SPATA6: variants seen among roughly 807,000 people sequenced by gnomAD.
SPATA6 encodes the protein spermatogenesis associated 6, also known as spermatogenesis-associated protein 6.
SPATA6 carries 56 observed loss-of-function variants against 65.3 expected under a neutral mutation model. That is an observed-to-expected ratio of 0.86 (90% CI 0.69 to 1.07). The LOEUF (loss-of-function observed/expected upper bound fraction) is 1.07. Ranked by LOEUF, SPATA6 falls within the 50% of genes least tolerant of loss-of-function variation. The pLI, the probability that SPATA6 is intolerant of heterozygous loss-of-function variation, is 0.00. For synonymous variants in SPATA6, 199 were observed against 213.2 expected, an observed-to-expected ratio of 0.93 and a Z score of 0.58; for missense variants, 590 against 594.8, an observed-to-expected ratio of 0.99 and a Z score of 0.08.
intron 7 of SPATA6, among the ~76,000 whole-genome samples, chr1:48,398,425 A>C (rs887518559): frequency 1.3e-5 from 2 of 151,822 alleles, no homozygotes; most frequent in South Asian, 2.1e-4. Context: ...AAGTTATTAG[A>C]CCACCAAAGG....
intron 9 of SPATA6, among the ~76,000 whole-genome samples, chr1:48,383,271 T>C (rs1185792801): frequency 2.8e-5 from 1 of 36,000 alleles, no homozygotes; most frequent in Non-Finnish European, 6.8e-5. Flanking sequence ...GAGGAGCCCC[T>C]CACCTCCCGG....
the SPATA6 span, among the ~76,000 whole-genome samples, chr1:48,279,892 C>A: frequency 6.6e-6 from 1 of 152,134 alleles, no homozygotes; most frequent in Non-Finnish European, 1.5e-5. Context: ...CTTTTCAGCA[C>A]CACACCACAC....
chr1:48,357,260 A>G (rs1570276464), intron 10 of SPATA6, among the ~76,000 whole-genome samples: 1 of 152,150 alleles, frequency 6.6e-6, no homozygotes, highest in African/African-American at 2.4e-5. Context: ...TATAATATTA[A>G]TATTTACACA....
rs1645051629 is a variant in SPATA6, at chr1:48,305,931, G to T, written c.1195-53C>A. ...CTCACTGTCTCATTGTCCCCAAAATGATGCATATGTTTCTTCATAAAATGC... is the reference window on the plus strand; with the variant it reads ...CTCACTGTCTCATTGTCCCCAAAATTATGCATATGTTTCTTCATAAAATGC... On this transcript the variant is annotated intron_variant, in intron 11 of 12. Transcript: ENST00000371847. 3.7e-6 allele frequency: 5 copies of T among 1,347,212 alleles called. No individual in the cohort carries two copies. In the East Asian group the frequency reaches 1.2e-4, roughly 32 times the overall value. The allele number at this position is 1,347,212 out of a possible 1,614,324, so 83.5% of individuals were successfully genotyped here.
At chr1:48,359,853 T>C in intron 9 of SPATA6, 83 bp from the exon 10 acceptor site, 2 of 1,088,952 alleles carry the variant, frequency 1.8e-6, no homozygotes, top group South Asian at 2.3e-5. Context: ...ATAGTATGCA[T>C]AGTAGTCATA....
At chr1:48,328,876 A>G (rs1269046032) in intron 11 of SPATA6, among the ~76,000 whole-genome samples, 1 of 152,200 alleles carries the variant, frequency 6.6e-6, no homozygotes, top group Non-Finnish European at 1.5e-5. Flanking sequence ...AGGGTAAATA[A>G]TTCATTAATT....
chr1:48,418,339 A>G (rs1434230974), intron 3 of SPATA6, among the ~76,000 whole-genome samples: 2 of 151,934 alleles, frequency 1.3e-5, no homozygotes, highest in African/African-American at 4.8e-5. Context: ...ACCTTACAAT[A>G]ATTATAATGA....
At chr1:48,286,814 A>T in the SPATA6 span, among the ~76,000 whole-genome samples, 8 of 152,222 alleles carry the variant, frequency 5.3e-5, no homozygotes, top group Non-Finnish European at 7.4e-5. Flanking sequence ...AGGCAGGCAG[A>T]TCACTTGAAG....
Position 48,376,675 on chromosome 1 carries a change from A to G in SPATA6, c.909+8634T>C, listed in dbSNP as rs546749735. ...TCTCATTGTTAAGTATGCATTGCTTAACAATGGCGATACCTTCTGAGAAAT... is the reference window on the plus strand; with the variant it reads ...TCTCATTGTTAAGTATGCATTGCTTGACAATGGCGATACCTTCTGAGAAAT... On this transcript the variant is annotated intron_variant, in intron 9 of 12. Transcript: ENST00000371847. 2.0e-5 allele frequency among the ~76,000 whole-genome samples: 3 copies of G among 152,250 alleles called. No homozygotes were observed. In the South Asian group the frequency reaches 6.2e-4, roughly 32 times the overall value.
chr1:48,280,538 G>C, the SPATA6 span, among the ~76,000 whole-genome samples: 1 of 151,172 alleles, frequency 6.6e-6, no homozygotes, highest in Non-Finnish European at 1.5e-5. Context: ...ACTACCATCA[G>C]AGAATACTAC....
intron 8 of SPATA6, among the ~76,000 whole-genome samples, chr1:48,386,358 T>C (rs992542529): frequency 1.3e-5 from 2 of 152,218 alleles, no homozygotes; most frequent in Non-Finnish European, 2.9e-5. Context: ...TAACAACTTA[T>C]AATATCTGTT....
intron 9 of SPATA6, among the ~76,000 whole-genome samples, chr1:48,363,319 T>C (rs1252112756): frequency 1.3e-5 from 2 of 152,158 alleles, no homozygotes; most frequent in Non-Finnish European, 2.9e-5. Flanking sequence ...GAATATTATC[T>C]CTTTAGCTCA....
chr1:48,363,197 G>A (rs565502365), intron 9 of SPATA6, among the ~76,000 whole-genome samples: 2 of 152,138 alleles, frequency 1.3e-5, no homozygotes, highest in East Asian at 1.9e-4. Flanking sequence ...GAAAGGGTAC[G>A]TCTCTTTGAT....
chr1:48,370,290 T>G (rs1480663687), intron 9 of SPATA6, among the ~76,000 whole-genome samples: 1 of 152,146 alleles, frequency 6.6e-6, no homozygotes, highest in Admixed American at 6.5e-5. Context: ...TGGAATTAGC[T>G]GAGAAGTAGT....
chr1:48,309,574 T>C (rs757035865), intron 11 of SPATA6, among the ~76,000 whole-genome samples: 4 of 152,234 alleles, frequency 2.6e-5, no homozygotes, highest in Non-Finnish European at 4.4e-5. Flanking sequence ...TTTCTTTTGG[T>C]TCTTTGAATA....
At chr1:48,437,077 CA>C in intron 3 of SPATA6, 1 of 1,599,172 alleles carries the variant, frequency 6.3e-7, no homozygotes, top group Non-Finnish European at 8.6e-7. Flanking sequence ...TTTCTTCAAA[CA>C]GATGAAAGAA....
the SPATA6 span, among the ~76,000 whole-genome samples, chr1:48,275,919 T>G: frequency 0.031 from 4,674 of 152,256 alleles, 221 homozygotes; most frequent in African/African-American, 0.11. Context: ...TACCAGCTCC[T>G]CTTTGTACCT....
At chr1:48,404,002 T>C in intron 5 of SPATA6, 120 bp from the exon 6 acceptor site, 1 of 657,536 alleles carries the variant, frequency 1.5e-6, no homozygotes, top group South Asian at 2.5e-5. Flanking sequence ...TCACTGTTAG[T>C]TTGAACTTTT....
chr1:48,401,079 G>A (rs1651114054), intron 6 of SPATA6, among the ~76,000 whole-genome samples: 1 of 151,944 alleles, frequency 6.6e-6, no homozygotes, highest in Admixed American at 6.6e-5. Context: ...CAGATCCCTT[G>A]CATTCCAATT....
Sources: allele counts gnomAD v4.1 joint callset (sites outside exome capture counted in the v4.1 genomes callset), GRCh38; gene constraint gnomAD v4.1.1; transcripts MANE v1.5; gene names NCBI Gene and HGNC (gene_info 2026-07-23, HGNC 2026-07-21).